The following KCNQ1 variants were observed in gnomAD, a reference collection of about 807,000 sequenced individuals.
KCNQ1 encodes potassium voltage-gated channel subfamily Q member 1.
Under a neutral mutation model 72.4 loss-of-function variants are expected in KCNQ1, and 49 were observed. The observed-to-expected ratio is 0.68, with a 90% confidence interval of 0.54 to 0.86. KCNQ1 has a LOEUF of 0.86. Among genes scored for constraint, KCNQ1 ranks in the 40% least tolerant of loss-of-function variants. The probability of loss-of-function intolerance (pLI) is 0.00; values close to 1 mark genes in which losing one functional copy is unlikely to be tolerated. For synonymous variants in KCNQ1, 450 were observed against 412.6 expected (o/e 1.09, Z -1.10); for missense variants, 790 against 945.1 (o/e 0.84, Z 2.15).
chr11:2,645,437 G>T lies in KCNQ1; in HGVS notation c.1394-16524G>T. The T allele has an allele frequency of 2.5e-6, 1 of 398,664 alleles. No individual in the cohort carries two copies. Among genetic ancestry groups the T allele is most frequent in the South Asian group, 1.3e-4 (1 of 7,802 alleles). 24.7% of individuals were successfully genotyped at this position (398,664 alleles called of 1,614,324 possible). The stretch of plus-strand genomic sequence containing the variant: ...CCCTCCAGTAATGCAAGAATGTACT[G>T]ACTGTGGTAGGCAGGCACAGGAAGA... On this transcript the variant is annotated intron_variant, in intron 10 of 15. Coordinates refer to ENST00000155840, the MANE Select transcript of KCNQ1 (RefSeq NM_000218.3). This position sits in a 1 kb window ranked among gnomAD's most constrained non-coding sequence, Gnocchi z 5.8.
intron 2 of KCNQ1, among the ~76,000 whole-genome samples, chr11:2,569,643 C>A (rs1848297950): frequency 6.6e-6 from 1 of 152,238 alleles, no homozygotes; most frequent in Non-Finnish European, 1.5e-5. Context: ...CTTCCAGCCC[C>A]ACACACCTTC....
chr11:2,732,797 G>A lies in KCNQ1; in HGVS notation c.1515-36047G>A, dbSNP rs567418721. Among the ~76,000 whole-genome samples, 3 of 152,194 alleles carry A rather than the reference G, an allele frequency of 2.0e-5. No individual in the cohort carries two copies. The East Asian group carries it at 5.8e-4, about 30-fold the overall frequency. On this transcript the variant is annotated intron_variant, in intron 11 of 15. Coordinates refer to ENST00000155840, the MANE Select transcript of KCNQ1 (RefSeq NM_000218.3). The stretch of plus-strand genomic sequence containing the variant: ...GCCACCGAGGCCTCGCCTTGCAGCC[G>A]GAGCCTGGGGGCCTCTGTCCCACCC...
chr11:2,686,971 G>A (rs1850500474), intron 11 of KCNQ1: 1 of 398,530 alleles, frequency 2.5e-6, no homozygotes, highest in Non-Finnish European at 4.4e-6. Flanking sequence ...TGATGCAGAG[G>A]CAAGGACAAC....
Position 2,730,842 on chromosome 11 carries a change from C to A in KCNQ1, c.1515-38002C>A, listed in dbSNP as rs1260415985. Among the ~76,000 whole-genome samples the A allele has an allele frequency of 2.0e-5, 3 of 152,170 alleles. No individual in the cohort carries two copies. The East Asian group carries it at 5.8e-4, about 29-fold the overall frequency. On this transcript the variant is annotated intron_variant, in intron 11 of 15. Coordinates refer to ENST00000155840, the MANE Select transcript of KCNQ1 (RefSeq NM_000218.3). The stretch of plus-strand genomic sequence containing the variant: ...AGGGATGGGGGACAGACGCTGGAGC[C>A]GTTTTGGTGGCAGGCCTCTGTGGCT...
intron 2 of KCNQ1, among the ~76,000 whole-genome samples, chr11:2,540,224 G>A (rs1847802725): frequency 2.0e-5 from 3 of 152,198 alleles, no homozygotes; most frequent in Middle Eastern, 3.2e-3. Flanking sequence ...CAGGTGCCAG[G>A]GGAACCCCCT....
In KCNQ1 at chr11:2,644,397, A is replaced by G. The variant is rs1849633705; in HGVS notation, c.1394-17564A>G. ...TCAAATATGTTTTTTATTTCATTCA[A>G]TCTATTATTCAATTCCAGAATATCT... On this transcript the variant is annotated intron_variant, in intron 10 of 15. Transcript: ENST00000155840. 12 of 398,146 alleles carry G rather than the reference A, an allele frequency of 3.0e-5. No homozygotes were observed. The South Asian group carries it at 1.4e-3, about 46-fold the overall frequency. The allele number at this position is 398,146 out of a possible 1,614,324, so 24.7% of individuals were successfully genotyped here. A position where few individuals can be genotyped will look rare whatever the true frequency, so the allele number is the denominator to read the frequency against.
At chr11:2,500,460 A>G (rs1017197075) in intron 1 of KCNQ1, among the ~76,000 whole-genome samples, 1 of 152,220 alleles carries the variant, frequency 6.6e-6, no homozygotes, top group African/African-American at 2.4e-5. Context: ...TGTGGAAGAC[A>G]GTGTGGCAAT....
chr11:2,800,938 C>A (rs1048882740), intron 15 of KCNQ1, among the ~76,000 whole-genome samples: 1 of 152,084 alleles, frequency 6.6e-6, no homozygotes, highest in Non-Finnish European at 1.5e-5. Flanking sequence ...GGTCTCAGAG[C>A]CCATTCTAGA....
At chr11:2,688,584 GCTCA>G (rs377002470) in intron 11 of KCNQ1, 55 of 398,702 alleles carry the variant, frequency 1.4e-4, no homozygotes, top group African/African-American at 1.0e-3. Context: ...GCCAGTGCTC[GCTCA>G]CTGAGGCCAG....
rs552681200 is a variant in KCNQ1, at chr11:2,483,266, G to A, written c.386+37782G>A. Among the ~76,000 whole-genome samples the A allele has an allele frequency of 6.6e-6, 1 of 152,124 alleles. No homozygotes were observed. Among genetic ancestry groups the A allele is most frequent in the South Asian group, 2.1e-4 (1 of 4,806 alleles). Reference sequence around the variant, plus strand: ...CAATGCGGGGGGTGTGAGTGATGAGGGACAACATCAGTCCTCTCTTGGCTT... The same window carrying A: ...CAATGCGGGGGGTGTGAGTGATGAGAGACAACATCAGTCCTCTCTTGGCTT... On this transcript the variant is annotated intron_variant, in intron 1 of 15. Coordinates refer to ENST00000155840, the MANE Select transcript of KCNQ1 (RefSeq NM_000218.3). This position sits in a 1 kb window ranked among gnomAD's most constrained non-coding sequence, Gnocchi z 6.1.
chr11:2,458,667 GGATGGATGGATGGATGGATC>G lies in KCNQ1; in HGVS notation c.386+13187_386+13206del, dbSNP rs1450886000. Among the ~76,000 whole-genome samples, 1 of 101,162 alleles carries G rather than the reference GGATGGATGGATGGATGGATC, an allele frequency of 9.9e-6. No homozygotes were observed. Among genetic ancestry groups the G allele is most frequent in the African/African-American group, 4.8e-5 (1 of 20,926 alleles). The allele number at this position is 101,162 out of a possible 152,430, so 66.4% of individuals were successfully genotyped here. A position where few individuals can be genotyped will look rare whatever the true frequency, so the allele number is the denominator to read the frequency against. ...TGGATGGATGGATGGATGGATGGAT[GGATGGATGGATGGATGGATC>G]GATCGATCTCACCAAGCCTCGTGCT... On this transcript the variant is annotated intron_variant, in intron 1 of 15. Coordinates refer to ENST00000155840, the MANE Select transcript of KCNQ1 (RefSeq NM_000218.3). This position sits in a 1 kb window ranked among gnomAD's most constrained non-coding sequence, Gnocchi z 4.6.
chr11:2,743,622 A>C (rs566445896), intron 11 of KCNQ1, among the ~76,000 whole-genome samples: 1 of 152,214 alleles, frequency 6.6e-6, no homozygotes, highest in African/African-American at 2.4e-5. Flanking sequence ...CCCGGAGGAG[A>C]GCAGCCCTGC....
intron 10 of KCNQ1, chr11:2,650,447 G>A (rs929228501): frequency 5.0e-6 from 2 of 398,458 alleles, no homozygotes; most frequent in Non-Finnish European, 8.8e-6. Flanking sequence ...GTATCATTTG[G>A]GTAGGGTGCT....
At chr11:2,476,051 A>G (rs11022978) in intron 1 of KCNQ1, among the ~76,000 whole-genome samples, 174 of 152,380 alleles carry the variant, frequency 1.1e-3, no homozygotes, top group Non-Finnish European at 1.9e-3. Flanking sequence ...TATAAATTTA[A>G]ATCACCTCTT....
Position 2,830,216 on chromosome 11 carries a change from C to T in KCNQ1, c.1795-17551C>T, listed in dbSNP as rs981890573. On this transcript the variant is annotated intron_variant, in intron 15 of 15. Coordinates refer to ENST00000155840, the MANE Select transcript of KCNQ1 (RefSeq NM_000218.3). This position sits in a 1 kb window ranked among gnomAD's most constrained non-coding sequence, Gnocchi z 7.7. ...CAGGCTCAGGACTGGCTGGGTGCTA[C>T]GCAGGAGCCCTCTGACTAGCTGGGG... Among the ~76,000 whole-genome samples the T allele has an allele frequency of 3.3e-5, 5 of 152,056 alleles. No homozygotes were observed. Among genetic ancestry groups the T allele is most frequent in the South Asian group, 2.1e-4 (1 of 4,824 alleles).
intron 1 of KCNQ1, among the ~76,000 whole-genome samples, chr11:2,452,542 G>T (rs1403807031): frequency 6.6e-6 from 1 of 152,106 alleles, no homozygotes; most frequent in Non-Finnish European, 1.5e-5. Flanking sequence ...AGACGGGGCG[G>T]GAACCTCCTC....
rs963920278 is a variant in KCNQ1 at position 2,473,541 on chromosome 11, C to A, written c.386+28057C>A. Among the ~76,000 whole-genome samples the A allele has an allele frequency of 8.5e-5, 13 of 152,350 alleles. No homozygotes were observed. The highest frequency in any genetic ancestry group is 5.8e-4 in the East Asian group (3 of 5,176). Reference sequence around the variant, plus strand: ...TCCTGGTCCGTCGTTGAGTCCCCTGCCGTGGGACAGCGCTCAGCATGGCAC... The same window carrying A: ...TCCTGGTCCGTCGTTGAGTCCCCTGACGTGGGACAGCGCTCAGCATGGCAC... On this transcript the variant is annotated intron_variant, in intron 1 of 15. Transcript: ENST00000155840. The surrounding 1 kb of genome is among the most constrained non-coding windows in gnomAD (Gnocchi z 6.0).
Position 2,647,992 on chromosome 11 carries a change from T to A in KCNQ1, c.1394-13969T>A, listed in dbSNP as rs1285476133. The stretch of plus-strand genomic sequence containing the variant: ...ACTTTGGAAGGCCAAGGCAGGCCGA[T>A]CGCTTGAGTCCAGGAGTTTGAGACC... On this transcript the variant is annotated intron_variant, in intron 10 of 15. Coordinates refer to ENST00000155840, the MANE Select transcript of KCNQ1 (RefSeq NM_000218.3). This position sits in a 1 kb window ranked among gnomAD's most constrained non-coding sequence, Gnocchi z 4.0. The A allele has an allele frequency of 1.8e-5, 7 of 397,224 alleles. No individual in the cohort carries two copies. Among genetic ancestry groups the A allele is most frequent in the Non-Finnish European group, 2.7e-5 (6 of 225,996 alleles). The allele number at this position is 397,224 out of a possible 1,614,324, so 24.6% of individuals were successfully genotyped here.
intron 10 of KCNQ1, chr11:2,644,321 T>C (rs1321754494): frequency 2.5e-6 from 1 of 398,466 alleles, no homozygotes; most frequent in Admixed American, 4.4e-5. Context: ...AGACTTATCT[T>C]CAAGGTGTGA....
Sources: gnomAD v4.1 joint callset for allele counts (sites outside exome capture counted in the v4.1 genomes callset) on GRCh38, gnomAD v4.1.1 for gene constraint, Gnocchi (gnomAD v3.1) non-coding constraint, MANE v1.5 for transcripts, NCBI Gene and HGNC (gene_info 2026-07-23, HGNC 2026-07-21) for gene names.